NHS: variants seen among roughly 807,000 people sequenced by gnomAD.
NHS encodes the protein actin remodeling regulator NHS.
NHS carries 5 observed loss-of-function variants against 72.5 expected under a neutral mutation model. That is an observed-to-expected ratio of 0.07 (90% confidence interval 0.04 to 0.14). NHS has a LOEUF of 0.14. NHS is among the 10% of genes least tolerant of loss of function. NHS has a pLI of 1.00. For synonymous variants in NHS, 464 were observed against 547.7 expected (o/e 0.85, Z 2.13); for missense variants, 1,072 against 1,355.7 (o/e 0.79, Z 3.29).
chrX:17,474,106 C>G (rs2064904006), intron 1 of NHS, among the ~76,000 whole-genome samples: 1 of 111,002 alleles, frequency 9.0e-6, no homozygotes, highest in Non-Finnish European at 1.9e-5. Flanking sequence ...GGCCTCAGTG[C>G]CTGTTGTTCC....
chrX:17,403,260 G>A (rs1380734786), intron 1 of NHS, among the ~76,000 whole-genome samples: 1 of 112,069 alleles, frequency 8.9e-6, no homozygotes, highest in Admixed American at 9.5e-5. Context: ...CAGTCACATG[G>A]CCACACCTAA....
chrX:17,607,183 G>A (rs2065684874), intron 1 of NHS, among the ~76,000 whole-genome samples: 1 of 111,585 alleles, frequency 9.0e-6, no homozygotes, highest in Non-Finnish European at 1.9e-5. Flanking sequence ...GGTCCCTGGT[G>A]TACTTGGTGG....
At chrX:17,553,548 G>A (rs1018301944) in intron 1 of NHS, among the ~76,000 whole-genome samples, 2 of 112,077 alleles carry the variant, frequency 1.8e-5, no homozygotes, top group Admixed American at 9.4e-5. Context: ...GTCATGAGTA[G>A]CACTGGTGAC....
intron 3 of NHS, among the ~76,000 whole-genome samples, chrX:17,713,885 C>G (rs1295142087): frequency 8.9e-6 from 1 of 112,040 alleles, no homozygotes; most frequent in Non-Finnish European, 1.9e-5. Context: ...ATTTCTTATT[C>G]TGAACACTGG....
chrX:17,401,791 C>T (rs1487773873), intron 1 of NHS, among the ~76,000 whole-genome samples: 1 of 111,602 alleles, frequency 9.0e-6, no homozygotes, highest in African/African-American at 3.3e-5. Flanking sequence ...ATAAGGATAA[C>T]AGTCATTGGA....
intron 1 of NHS, among the ~76,000 whole-genome samples, chrX:17,490,192 C>G (rs1239611373): frequency 2.7e-5 from 3 of 112,405 alleles, no homozygotes; most frequent in African/African-American, 9.7e-5. Flanking sequence ...GTCATAAAGT[C>G]TTTGCCCATG....
At chrX:17,523,510 G>A (rs111438743) in intron 1 of NHS, among the ~76,000 whole-genome samples, 2,275 of 111,905 alleles carry the variant, frequency 0.02, 64 homozygotes, top group African/African-American at 0.07. Flanking sequence ...TGAGGAAACC[G>A]AGGCATAGAG....
intron 1 of NHS, among the ~76,000 whole-genome samples, chrX:17,480,126 G>A (rs1041206591): frequency 9.0e-6 from 1 of 111,594 alleles, no homozygotes; most frequent in Non-Finnish European, 1.9e-5. Flanking sequence ...AAGGAAATAA[G>A]AGAGGACACA....
intron 1 of NHS, among the ~76,000 whole-genome samples, chrX:17,675,488 C>T (rs748957543): frequency 6.2e-5 from 7 of 112,148 alleles, no homozygotes; most frequent in African/African-American, 1.6e-4. Flanking sequence ...AACCTAGCAA[C>T]GATGAATACC....
intron 1 of NHS, among the ~76,000 whole-genome samples, chrX:17,389,695 G>A (rs963354606): frequency 9.1e-6 from 1 of 109,798 alleles, no homozygotes; most frequent in African/African-American, 3.3e-5. Flanking sequence ...TCTGCCCACC[G>A]GGTTCAAGCA....
At chrX:17,447,785 GCACA>G (rs58710651) in intron 1 of NHS, among the ~76,000 whole-genome samples, 1,687 of 89,488 alleles carry the variant, frequency 0.019, 26 homozygotes, top group African/African-American at 0.047. Context: ...ACACACACAC[GCACA>G]CACACACACA....
rs1483610373 is a variant in NHS at position 17,726,775 on chromosome X, T to C, written c.2669T>C (p.Leu890Pro). ...HLPHSSREMK[L>P]PLDFANTPSR... Reference sequence around the variant, plus strand: ...CCTCACAGTTCCAGGGAAATGAAGCTGCCTCTTGATTTCGCCAACACGCCT... The same window carrying C: ...CCTCACAGTTCCAGGGAAATGAAGCCGCCTCTTGATTTCGCCAACACGCCT... Residue 890 changes from leucine (L) to proline (P), a missense_variant, in exon 7 of 9, where the codon CTG (leucine) becomes CCG (proline). Leu to Pro is a moderately conservative substitution (Grantham distance 98). Coordinates refer to ENST00000676302, the MANE Select transcript of NHS (RefSeq NM_001291867.2). 3.3e-6 allele frequency: 4 copies of C among 1,210,270 alleles called. No individual in the cohort carries two copies. In the Admixed American group the frequency reaches 8.7e-5, roughly 26 times the overall value.
At chrX:17,573,280 C>T (rs1002009919) in intron 1 of NHS, among the ~76,000 whole-genome samples, 7 of 111,629 alleles carry the variant, frequency 6.3e-5, no homozygotes, top group African/African-American at 2.3e-4. Flanking sequence ...TGTTTTCTAA[C>T]TTGGTTCCAT....
intron 3 of NHS, among the ~76,000 whole-genome samples, chrX:17,712,393 C>CATATATAT (rs3074204): frequency 1.4e-4 from 11 of 81,440 alleles, no homozygotes; most frequent in African/African-American, 5.2e-4. Context: ...CACACACACA[C>CATATATAT]ATATATATAT....
chrX:17,416,083 G>A lies in NHS; in HGVS notation c.565+39761G>A, dbSNP rs183738441. Reference sequence around the variant, plus strand: ...CATTTATGGATGCCCTGTTCACTCAGTGTGCCAGAGAGGGCTTGTGCATGG... The same window carrying A: ...CATTTATGGATGCCCTGTTCACTCAATGTGCCAGAGAGGGCTTGTGCATGG... On this transcript the variant is annotated intron_variant, in intron 1 of 8. Transcript: ENST00000676302. 3.6e-5 allele frequency among the ~76,000 whole-genome samples: 4 copies of A among 111,611 alleles called. No homozygotes were observed. The East Asian group carries it at 1.1e-3, about 32-fold the overall frequency.
Position 17,725,602 on chromosome X carries a change from G to A in NHS, c.1496G>A (p.Ser499Asn). The part of the protein sequence containing the change: ...KGDTMFTPAV[S>N]SRTRSRSLPR... ...GACACCATGTTTACTCCTGCAGTGA[G>A]CAGCCGCACAAGATCTCGGAGCCTT... The change falls in exon 7 of 9, where the codon AGC becomes AAC. Residue 499 changes from serine to asparagine, a missense_variant. By Grantham distance (46) the Ser-to-Asn change is conservative. Coordinates refer to ENST00000676302, the MANE Select transcript of NHS (RefSeq NM_001291867.2). The A allele has an allele frequency of 8.3e-7, 1 of 1,211,798 alleles. No homozygotes were observed. The highest frequency in any genetic ancestry group is 1.1e-6 in the Non-Finnish European group (1 of 895,555).
chrX:17,490,153 C>T (rs1438891614), intron 1 of NHS, among the ~76,000 whole-genome samples: 2 of 112,266 alleles, frequency 1.8e-5, no homozygotes, highest in African/African-American at 6.5e-5. Flanking sequence ...TCAATTTTGG[C>T]TTTTGTTGCC....
At chrX:17,566,783 A>C (rs991737280) in intron 1 of NHS, among the ~76,000 whole-genome samples, 13 of 110,416 alleles carry the variant, frequency 1.2e-4, no homozygotes, top group Admixed American at 5.8e-4. Context: ...ATTATGGAAG[A>C]GGAAACTGAG....
At chrX:17,402,362 A>G (rs1384312234) in intron 1 of NHS, among the ~76,000 whole-genome samples, 2 of 112,144 alleles carry the variant, frequency 1.8e-5, no homozygotes, top group Non-Finnish European at 3.8e-5. Context: ...TACATTGCTG[A>G]TCATAGCAGC....
Sources: allele counts gnomAD v4.1 joint callset (sites outside exome capture counted in the v4.1 genomes callset), GRCh38; gene constraint gnomAD v4.1.1; transcripts MANE v1.5; gene names NCBI Gene and HGNC (gene_info 2026-07-23, HGNC 2026-07-21).